The following CNNM1 variants were observed in gnomAD, a reference collection of about 807,000 sequenced individuals.
CNNM1 encodes the protein metal transporter CNNM1.
Under a neutral mutation model 78.8 loss-of-function variants are expected in CNNM1, and 44 were observed. The observed-to-expected ratio is 0.56, with a 90% CI of 0.44 to 0.72. The LOEUF is 0.72. Among genes scored for constraint, CNNM1 ranks in the 30% least tolerant of loss-of-function variants. The pLI is 0.00. For synonymous variants in CNNM1, 584 were observed against 581.5 expected (o/e 1.00, Z -0.06); for missense variants, 1,101 against 1,292.2 (o/e 0.85, Z 2.27).
intron 6 of CNNM1, among the ~76,000 whole-genome samples, chr10:99,376,674 G>A (rs1056740629): frequency 5.9e-5 from 9 of 152,112 alleles, no homozygotes; most frequent in Non-Finnish European, 1.0e-4. Flanking sequence ...CATCTCGTTC[G>A]GGGTCCTTGT....
In CNNM1 at chr10:99,329,449, G is replaced by C. The variant is rs1850544154; in HGVS notation, c.62G>C (p.Arg21Pro). Reference protein sequence around the residue: ...VGVRLRDCCSRGAVLLLFFSL... With the variant: ...VGVRLRDCCSPGAVLLLFFSL... ...GTCAGGCTCCGGGACTGCTGCAGCC[G>C]AGGCGCTGTGCTCCTGCTCTTCTTT... The change falls in exon 1 of 11, where the codon CGA becomes CCA. Residue 21 changes from arginine to proline, a missense_variant. Physicochemically the swap from Arg to Pro is moderately radical, Grantham distance 103 (BLOSUM62 -2). Transcript: ENST00000356713. 3.0e-6 allele frequency: 4 copies of C among 1,339,810 alleles called. No homozygotes were observed. In the African/African-American group the frequency reaches 6.1e-5, roughly 20 times the overall value. 83.0% of individuals were successfully genotyped at this position (1,339,810 alleles called of 1,614,324 possible).
chr10:99,368,162 C>G (rs1308057565), intron 6 of CNNM1, among the ~76,000 whole-genome samples: 1 of 152,196 alleles, frequency 6.6e-6, no homozygotes, highest in Non-Finnish European at 1.5e-5. Context: ...CAAGGATGCC[C>G]CTAGCAGGAG....
rs149033742 is a variant in CNNM1, at chr10:99,330,512, G to T, written c.1125G>T (p.Pro375=). The change falls in exon 1 of 11, where the codon CCG becomes CCT. Residue 375 remains proline (P), a synonymous_variant. Coordinates refer to ENST00000356713, the MANE Select transcript of CNNM1 (RefSeq NM_020348.3). ...LMAAAFPVCY[P]LGRLLDWALR... is the part of the protein sequence containing the mutation. ...CAGCCGCCTTCCCCGTGTGCTACCC[G>T]CTGGGCCGCCTGCTGGACTGGGCGC... 6.3e-7 allele frequency: 1 copy of T among 1,586,232 alleles called. No individual in the cohort carries two copies. The highest frequency in any genetic ancestry group is 8.6e-7 in the Non-Finnish European group (1 of 1,166,972).
chr10:99,362,075 C>T (rs1030352207), intron 3 of CNNM1, among the ~76,000 whole-genome samples, 152 bp from the exon 4 acceptor site: 10 of 152,164 alleles, frequency 6.6e-5, no homozygotes, highest in South Asian at 2.1e-4. Flanking sequence ...TCCTCCACTC[C>T]GGAGGAACTG....
At chr10:99,377,250 C>G (rs1384300215) in intron 7 of CNNM1, 32 bp downstream of exon 7, 29 of 1,606,002 alleles carry the variant, frequency 1.8e-5, no homozygotes, top group Non-Finnish European at 2.5e-5. Flanking sequence ...TCCTCTCCCT[C>G]CCAGTGGGCA....
intron 6 of CNNM1, among the ~76,000 whole-genome samples, chr10:99,376,195 G>T (rs1443755673): frequency 6.6e-6 from 1 of 152,178 alleles, no homozygotes; most frequent in Non-Finnish European, 1.5e-5. Context: ...CTGAGCCAGA[G>T]CCTGTGTCCT....
chr10:99,391,326 A>G (rs953345917), intron 10 of CNNM1, 111 bp from the exon 11 acceptor site: 54 of 772,692 alleles, frequency 7.0e-5, no homozygotes, highest in Non-Finnish European at 6.5e-6. Flanking sequence ...CCAAGCTGTC[A>G]AGGGCTTTGT....
intron 7 of CNNM1, among the ~76,000 whole-genome samples, chr10:99,387,182 G>T (rs1344861068): frequency 1.3e-5 from 2 of 152,188 alleles, no homozygotes; most frequent in East Asian, 1.9e-4. Flanking sequence ...CTCCTGTCTG[G>T]TCTGGCTGCA....
At chr10:99,339,126 C>T (rs2030327005) in intron 1 of CNNM1, among the ~76,000 whole-genome samples, 2 of 152,192 alleles carry the variant, frequency 1.3e-5, no homozygotes, top group Non-Finnish European at 2.9e-5. Flanking sequence ...GCTAGTAACA[C>T]CATCTTTGCA....
At position 99,350,923 on chromosome 10, in the gene CNNM1, C is replaced by A. The variant is rs543269416; in HGVS notation, c.1574-6589C>A. On this transcript the variant is annotated intron_variant, in intron 1 of 10. Coordinates refer to ENST00000356713, the MANE Select transcript of CNNM1 (RefSeq NM_020348.3). ...GTTTAGCTTCATCCCTGTCTTCTAC[C>A]CACCAAATGCCAGTAGCATTCCCTG... Among the ~76,000 whole-genome samples, 11 of 152,258 alleles carry A rather than the reference C, an allele frequency of 7.2e-5. No individual in the cohort carries two copies. The South Asian group carries it at 2.3e-3, about 32-fold the overall frequency.
chr10:99,365,036 C>G (rs1028287907), intron 6 of CNNM1, 34 bp downstream of exon 6: 2 of 1,611,494 alleles, frequency 1.2e-6, no homozygotes, highest in African/African-American at 1.3e-5. Flanking sequence ...CTCGTCCTCC[C>G]CATCGTAGTC....
At position 99,329,700 on chromosome 10, in the gene CNNM1, C is replaced by T. The variant is rs749566518; in HGVS notation, c.313C>T (p.Arg105Trp). The change falls in exon 1 of 11, where the codon CGG (arginine) becomes TGG (tryptophan). Residue 105 changes from arginine to tryptophan, a missense_variant. Coordinates refer to ENST00000356713, the MANE Select transcript of CNNM1 (RefSeq NM_020348.3). ...GAATGGCACCGGCGACTGGGCTCCG[C>T]GGCTCGTGTTCATCGAGGAGCCCCC... ...GENGTGDWAP[R>W]LVFIEEPPGG... 6.5e-7 allele frequency: 1 copy of T among 1,546,370 alleles called. No individual in the cohort carries two copies.
chr10:99,348,345 C>G (rs1407007118), intron 1 of CNNM1, among the ~76,000 whole-genome samples: 4 of 152,184 alleles, frequency 2.6e-5, no homozygotes, highest in African/African-American at 9.6e-5. Flanking sequence ...GGCGCCCAGC[C>G]TTATGCTATA....
intron 1 of CNNM1, among the ~76,000 whole-genome samples, chr10:99,331,168 T>C (rs544964103): frequency 1.3e-5 from 2 of 152,298 alleles, no homozygotes; most frequent in East Asian, 1.9e-4. Context: ...GCCTCTTTCC[T>C]CTCTACTTGA....
intron 1 of CNNM1, among the ~76,000 whole-genome samples, chr10:99,331,753 G>A (rs529093863): frequency 6.6e-6 from 1 of 152,116 alleles, no homozygotes; most frequent in Non-Finnish European, 1.5e-5. Flanking sequence ...CAGGTTGGGG[G>A]TTAAAAGTTG....
chr10:99,337,593 G>T (rs2030247577), intron 1 of CNNM1, among the ~76,000 whole-genome samples: 1 of 152,182 alleles, frequency 6.6e-6, no homozygotes, highest in African/African-American at 2.4e-5. Context: ...TACAAAAATA[G>T]ATTTTTTGGC....
rs562170205 is a variant in CNNM1 at position 99,340,876 on chromosome 10, TCCTGCCTGCCTGCCTG to T, written c.1573+9937_1573+9952del. On this transcript the variant is annotated intron_variant, in intron 1 of 10. Coordinates refer to ENST00000356713, the MANE Select transcript of CNNM1 (RefSeq NM_020348.3). The stretch of plus-strand genomic sequence containing the variant: ...CTCCTTCCCCGCTTCCTTCCTTCCT[TCCTGCCTGCCTGCCTG>T]CCTGCCTGCCTGCCTGCCTGTATTG... Among the ~76,000 whole-genome samples, 6 of 138,254 alleles carry T rather than the reference TCCTGCCTGCCTGCCTG, an allele frequency of 4.3e-5. No homozygotes were observed. The South Asian group carries it at 7.3e-4, about 17-fold the overall frequency. The allele number at this position is 138,254 out of a possible 152,430, so 90.7% of individuals were successfully genotyped here.
rs1215632575 is a variant in CNNM1 at position 99,356,554 on chromosome 10, CAGACAGACAGAAAGAAAGAAAGAA to C, written c.1574-954_1574-931del. Among the ~76,000 whole-genome samples, 19 of 44,562 alleles carry C rather than the reference CAGACAGACAGAAAGAAAGAAAGAA, an allele frequency of 4.3e-4. No individual in the cohort carries two copies. The East Asian group carries it at 9.8e-3, about 23-fold the overall frequency. 29.2% of individuals were successfully genotyped at this position (44,562 alleles called of 152,430 possible). ...AAAGAAAGAAAGACAGACAGACAGA[CAGACAGACAGAAAGAAAGAAAGAA>C]AGAAAGAAAGAAAGAAAGAAAGAAA... On this transcript the variant is annotated intron_variant, in intron 1 of 10. Coordinates refer to ENST00000356713, the MANE Select transcript of CNNM1 (RefSeq NM_020348.3).
chr10:99,380,644 A>T (rs1364494130), intron 7 of CNNM1, among the ~76,000 whole-genome samples: 1 of 152,066 alleles, frequency 6.6e-6, no homozygotes, highest in African/African-American at 2.4e-5. Flanking sequence ...TACAAAAATT[A>T]GCCAGGCATG....
Sources: gnomAD v4.1 joint callset for allele counts (sites outside exome capture counted in the v4.1 genomes callset) on GRCh38, gnomAD v4.1.1 for gene constraint, MANE v1.5 for transcripts, NCBI Gene and HGNC (gene_info 2026-07-23, HGNC 2026-07-21) for gene names.